The following FAM13C variants were observed in gnomAD, a reference collection of about 807,000 sequenced individuals.
FAM13C encodes the protein family with sequence similarity 13 member C.
A neutral mutation model predicts 73.2 loss-of-function variants in FAM13C; 37 were observed. The observed-to-expected ratio is 0.51, with a 90% CI of 0.39 to 0.67. The LOEUF (loss-of-function observed/expected upper bound fraction) is 0.67. Among genes scored for constraint, FAM13C ranks in the 30% least tolerant of loss-of-function variants. FAM13C has a pLI of 0.00. For synonymous variants in FAM13C, 246 were observed against 260.9 expected (o/e 0.94, Z 0.55); for missense variants, 589 against 715.6 (o/e 0.82, Z 2.02).
At chr10:59,268,740 G>C (rs1400070049) in intron 7 of FAM13C, 49 bp from the exon 8 acceptor site, 3 of 1,591,240 alleles carry the variant, frequency 1.9e-6, no homozygotes, top group Non-Finnish European at 2.6e-6. Context: ...TGGGCTTCCA[G>C]TAAACAGTTC....
chr10:59,292,157 A>G (rs983802187), intron 5 of FAM13C, among the ~76,000 whole-genome samples: 1 of 152,168 alleles, frequency 6.6e-6, no homozygotes, highest in African/African-American at 2.4e-5. Flanking sequence ...CTGAAAATAC[A>G]ATGTGTCTCA....
At chr10:59,353,311 T>C (rs1855312535) in intron 2 of FAM13C, among the ~76,000 whole-genome samples, 1 of 152,196 alleles carries the variant, frequency 6.6e-6, no homozygotes, top group Non-Finnish European at 1.5e-5. Flanking sequence ...TAAATCTAGA[T>C]GCATTTTATT....
chr10:59,324,426 G>A (rs557183070), intron 3 of FAM13C, among the ~76,000 whole-genome samples: 1 of 152,134 alleles, frequency 6.6e-6, no homozygotes, highest in South Asian at 2.1e-4. Context: ...AGATACATCT[G>A]AAAAGATAAT....
chr10:59,340,345 CTGATG>C (rs984705910), intron 3 of FAM13C, among the ~76,000 whole-genome samples: 3 of 152,142 alleles, frequency 2.0e-5, no homozygotes, highest in African/African-American at 7.2e-5. Context: ...CTCCCTCATT[CTGATG>C]TCTACCTTGA....
At chr10:59,272,189 A>T (rs1843791030) in intron 6 of FAM13C, among the ~76,000 whole-genome samples, 1 of 152,218 alleles carries the variant, frequency 6.6e-6, no homozygotes, top group Non-Finnish European at 1.5e-5. Context: ...ATAATTTACC[A>T]TGTGGCCCAA....
intron 13 of FAM13C, among the ~76,000 whole-genome samples, chr10:59,249,273 G>A (rs1002878196): frequency 2.0e-4 from 30 of 151,344 alleles, no homozygotes; most frequent in African/African-American, 3.6e-4. Context: ...GCGTGGTGGC[G>A]TACGCCTGTA....
At chr10:59,265,199 TA>T (rs1338514815) in intron 8 of FAM13C, among the ~76,000 whole-genome samples, 2 of 151,882 alleles carry the variant, frequency 1.3e-5, no homozygotes, top group Non-Finnish European at 2.9e-5. Context: ...TAAAGTGATT[TA>T]AAAACCATAC....
intron 12 of FAM13C, 87 bp from the exon 13 acceptor site, chr10:59,251,763 G>A (rs1841402867): frequency 2.0e-6 from 2 of 1,002,550 alleles, no homozygotes; most frequent in African/African-American, 1.7e-5. Flanking sequence ...AGCCAAAAAA[G>A]CATCTATGAT....
At chr10:59,252,045 A>C (rs2133369264) in intron 12 of FAM13C, among the ~76,000 whole-genome samples, 1 of 152,322 alleles carries the variant, frequency 6.6e-6, no homozygotes, top group East Asian at 1.9e-4. Context: ...ACAGAGGAGC[A>C]GCTTTTAAAG....
At chr10:59,262,347 T>C (rs1484267015) in intron 10 of FAM13C, 87 bp downstream of exon 10, 1 of 1,234,978 alleles carries the variant, frequency 8.1e-7, no homozygotes, top group Non-Finnish European at 1.1e-6. Context: ...ATTGATGTAA[T>C]GGCAAAGTGC....
chr10:59,270,208 T>C (rs1007640414), intron 6 of FAM13C, 99 bp from the exon 7 acceptor site: 11 of 1,176,988 alleles, frequency 9.3e-6, no homozygotes, highest in Non-Finnish European at 1.2e-5. Context: ...TATAATGGCT[T>C]GCCTCTTTGT....
chr10:59,251,888 A>G (rs1841417622), intron 12 of FAM13C, among the ~76,000 whole-genome samples: 1 of 152,122 alleles, frequency 6.6e-6, no homozygotes, highest in Non-Finnish European at 1.5e-5. Flanking sequence ...ATATCACAGG[A>G]TAGGGGAAAG....
intron 4 of FAM13C, among the ~76,000 whole-genome samples, chr10:59,322,521 G>C (rs2134016728): frequency 6.6e-6 from 1 of 152,266 alleles, no homozygotes. Context: ...TACAAAATGG[G>C]ATACACAATG....
chr10:59,264,190 G>A, intron 8 of FAM13C, 24 bp from the exon 9 acceptor site: 2 of 1,576,296 alleles, frequency 1.3e-6, no homozygotes, highest in South Asian at 1.1e-5. Context: ...GAAAAAATGG[G>A]GGTGGAAGGG....
intron 6 of FAM13C, among the ~76,000 whole-genome samples, chr10:59,275,013 G>A (rs192115460): frequency 8.9e-4 from 136 of 152,278 alleles, no homozygotes; most frequent in African/African-American, 3.1e-3. Flanking sequence ...TCTTCTAGTC[G>A]ATTCTTGAAT....
intron 3 of FAM13C, among the ~76,000 whole-genome samples, chr10:59,340,854 G>GTAA (rs1462780856): frequency 1.3e-5 from 2 of 151,832 alleles, no homozygotes; most frequent in Non-Finnish European, 2.9e-5. Flanking sequence ...TTGCACCAAT[G>GTAA]TAATATTTAG....
At chr10:59,258,296 C>A (rs923890286) in intron 10 of FAM13C, among the ~76,000 whole-genome samples, 1 of 152,006 alleles carries the variant, frequency 6.6e-6, no homozygotes, top group African/African-American at 2.4e-5. Flanking sequence ...CCAGCCTGGG[C>A]AAAAGTGAGA....
At chr10:59,305,106 A>G (rs1164459473) in intron 4 of FAM13C, among the ~76,000 whole-genome samples, 1 of 152,210 alleles carries the variant, frequency 6.6e-6, no homozygotes, top group African/African-American at 2.4e-5. Flanking sequence ...AGCCTCAGGT[A>G]TTCTGCAATA....
chr10:59,340,834 A>G (rs561496841), intron 3 of FAM13C, among the ~76,000 whole-genome samples: 74 of 151,994 alleles, frequency 4.9e-4, no homozygotes, highest in Admixed American at 8.5e-4. Context: ...GGCAAAAACC[A>G]CAATTACTTT....
Sources: gnomAD v4.1 joint callset for allele counts (sites outside exome capture counted in the v4.1 genomes callset) on GRCh38, gnomAD v4.1.1 for gene constraint, MANE v1.5 for transcripts, NCBI Gene and HGNC (gene_info 2026-07-23, HGNC 2026-07-21) for gene names.